The following RASGRP3 variants were observed in gnomAD, a reference collection of about 807,000 sequenced individuals.
The protein encoded by RASGRP3 is ras guanyl-releasing protein 3.
A neutral mutation model predicts 82.7 loss-of-function variants in RASGRP3; 54 were observed. The observed-to-expected ratio is 0.65, with a 90% CI of 0.52 to 0.82. RASGRP3 has a LOEUF of 0.82. Among genes scored for constraint, RASGRP3 ranks in the 40% least tolerant of loss-of-function variants. The pLI, the probability that RASGRP3 is intolerant of heterozygous loss-of-function variation, is 0.00. For missense variants in RASGRP3, 861 were observed against 828.9 expected (o/e 1.04, Z -0.48); for synonymous variants, 309 against 300.5 (o/e 1.03, Z -0.29).
intron 1 of RASGRP3, among the ~76,000 whole-genome samples, chr2:33,503,928 G>T (rs1043397827): frequency 1.3e-5 from 2 of 152,058 alleles, no homozygotes; most frequent in African/African-American, 2.4e-5. Context: ...GCAGCATTGT[G>T]CAACCCCTAT....
chr2:33,548,137 G>A (rs1674985853), intron 13 of RASGRP3, among the ~76,000 whole-genome samples: 1 of 152,012 alleles, frequency 6.6e-6, no homozygotes, highest in Non-Finnish European at 1.5e-5. Context: ...CGAGGCGGGC[G>A]GATCACAAGG....
rs1485697457 is a variant in RASGRP3 at position 33,534,383 on chromosome 2, C to G, written c.1144C>G (p.Pro382Ala). Residue 382 changes from proline (P) to alanine (A), a missense_variant, in exon 11 of 18, where the codon CCT becomes GCT. By Grantham distance (27) the Pro-to-Ala change is conservative. Coordinates refer to ENST00000403687, the MANE Select transcript of RASGRP3 (RefSeq NM_001139488.2). ...TTACAAACTGTCACTGGTGCTGGAGCCTAGAAATTCTAAATCGGTAGGTAT... is the reference window on the plus strand; with the variant it reads ...TTACAAACTGTCACTGGTGCTGGAGGCTAGAAATTCTAAATCGGTAGGTAT... The part of the protein sequence containing the change: ...DIYKLSLVLE[P>A]RNSKSQPTSP... 1 of 1,568,778 alleles carries G rather than the reference C, an allele frequency of 6.4e-7. No individual in the cohort carries two copies. The highest frequency in any genetic ancestry group is 8.8e-7 in the Non-Finnish European group (1 of 1,141,474).
At position 33,549,628 on chromosome 2, in the gene RASGRP3, A is replaced by AC; in HGVS notation, c.1419_1420insC (p.Met474HisfsTer9). 3.1e-6 allele frequency: 5 copies of AC among 1,613,364 alleles called. No individual in the cohort carries two copies. Among genetic ancestry groups the AC allele is most frequent in the Non-Finnish European group, 3.4e-6 (4 of 1,179,498 alleles). The stretch of plus-strand genomic sequence containing the variant: ...GGGATGGCCTAATTAGTAAAGATGA[A>AC]ATGATGGCTTACTTCCTGAGAGCTA... On this transcript the variant is annotated frameshift_variant, in exon 14 of 18. Coordinates refer to ENST00000403687, the MANE Select transcript of RASGRP3 (RefSeq NM_001139488.2). LOFTEE classifies it high-confidence loss of function.
chr2:33,479,679 C>A (rs1054063913), intron 1 of RASGRP3, among the ~76,000 whole-genome samples: 2 of 152,140 alleles, frequency 1.3e-5, no homozygotes, highest in African/African-American at 4.8e-5. Flanking sequence ...TCCTACTTCT[C>A]CACACACCAG....
chr2:33,509,601 TC>T (rs1670738850), intron 1 of RASGRP3, among the ~76,000 whole-genome samples: 1 of 152,224 alleles, frequency 6.6e-6, no homozygotes, highest in Non-Finnish European at 1.5e-5. Context: ...TGAAAAGACT[TC>T]ATCTTCATTA....
chr2:33,464,266 A>G (rs145983237), intron 2 of RASGRP3, among the ~76,000 whole-genome samples: 1,721 of 149,874 alleles, frequency 0.011, 26 homozygotes, highest in African/African-American at 0.04. Context: ...TTATAGGGAC[A>G]TGCCACCACA....
chr2:33,535,727 A>C (rs539951279), intron 11 of RASGRP3, among the ~76,000 whole-genome samples: 1 of 152,336 alleles, frequency 6.6e-6, no homozygotes, highest in African/African-American at 2.4e-5. Flanking sequence ...ATGATATGGC[A>C]CATGCAATGG....
intron 1 of RASGRP3, among the ~76,000 whole-genome samples, chr2:33,505,362 G>A (rs1574366116): frequency 1.3e-5 from 2 of 151,636 alleles, no homozygotes; most frequent in African/African-American, 2.4e-5. Flanking sequence ...GAGTGCAATG[G>A]CGCGATCTTG....
At chr2:33,470,508 T>C (rs1227235374) in intron 2 of RASGRP3, among the ~76,000 whole-genome samples, 1 of 151,696 alleles carries the variant, frequency 6.6e-6, no homozygotes, top group East Asian at 1.9e-4. Context: ...GCCTCCCGAG[T>C]AGCTGGGACT....
chr2:33,558,860 A>C lies in RASGRP3; in HGVS notation c.1894A>C (p.Thr632Pro). The C allele has an allele frequency of 6.2e-7, 1 of 1,614,004 alleles. No individual in the cohort carries two copies. The highest frequency in any genetic ancestry group is 1.7e-5 in the Admixed American group (1 of 60,022). Reference sequence around the variant, plus strand: ...TGGCTGGGGGGACTCGGGGTCCCACACCTTCCCTAAAATGAAATCCAAGTT... The same window carrying C: ...TGGCTGGGGGGACTCGGGGTCCCACCCCTTCCCTAAAATGAAATCCAAGTT... The part of the protein sequence containing the change: ...EAGWGDSGSH[T>P]FPKMKSKFHD... The change falls in exon 17 of 18, where the codon ACC becomes CCC. Residue 632 changes from threonine to proline, a missense_variant. By Grantham distance (38) the Thr-to-Pro change is conservative. Coordinates refer to ENST00000403687, the MANE Select transcript of RASGRP3 (RefSeq NM_001139488.2).
intron 3 of RASGRP3, 97 bp downstream of exon 3, chr2:33,515,303 C>T (rs918140470): frequency 4.6e-5 from 61 of 1,336,876 alleles, no homozygotes; most frequent in Non-Finnish European, 6.0e-5. Context: ...AGTTCAGTCT[C>T]TGTACCTTGG....
In RASGRP3 at chr2:33,515,007, TAGAG is replaced by T; in HGVS notation, c.-127-2_-126del. ...ACTTTCTCTCTTTTTTCTTTTTTTT[TAGAG>T]TTTTCTTGAAGTACAACTAAGGACA... On this transcript the variant is annotated splice_acceptor_variant and 5_prime_UTR_variant, in exon 3 of 18. Transcript: ENST00000403687. LOFTEE classifies it low-confidence loss of function (5UTR_SPLICE). The T allele has an allele frequency of 2.2e-5, 18 of 803,680 alleles. No individual in the cohort carries two copies. Among genetic ancestry groups the T allele is most frequent in the Admixed American group, 9.3e-5 (4 of 42,840 alleles). The allele number at this position is 803,680 out of a possible 1,614,324, so 49.8% of individuals were successfully genotyped here. A position where few individuals can be genotyped will look rare whatever the true frequency, so the allele number is the denominator to read the frequency against.
intron 13 of RASGRP3, among the ~76,000 whole-genome samples, chr2:33,547,915 C>T (rs938613037): frequency 6.6e-6 from 1 of 152,032 alleles, no homozygotes; most frequent in African/African-American, 2.4e-5. Context: ...GGAAACATGT[C>T]TCCGTGTTAC....
At chr2:33,544,893 C>T (rs1451413230) in intron 13 of RASGRP3, among the ~76,000 whole-genome samples, 7 of 152,048 alleles carry the variant, frequency 4.6e-5, no homozygotes, top group African/African-American at 1.7e-4. Context: ...CAAGAAAAGT[C>T]TTGACACATT....
intron 1 of RASGRP3, among the ~76,000 whole-genome samples, chr2:33,488,568 A>G (rs377060018): frequency 6.2e-4 from 94 of 152,360 alleles, no homozygotes; most frequent in African/African-American, 2.2e-3. Flanking sequence ...CTGTGTTCAT[A>G]TTTATCCTCT....
At chr2:33,524,200 T>C in intron 8 of RASGRP3, 148 bp downstream of exon 8, 1 of 1,082,370 alleles carries the variant, frequency 9.2e-7, no homozygotes, top group Non-Finnish European at 1.3e-6. Context: ...ATCGTATTTT[T>C]GTCATGCAAG....
intron 9 of RASGRP3, among the ~76,000 whole-genome samples, chr2:33,526,596 TCGGAAC>T (rs1426324504): frequency 6.6e-6 from 1 of 152,186 alleles, no homozygotes; most frequent in African/African-American, 2.4e-5. Context: ...AAATTATGTA[TCGGAAC>T]TTCTCTTACT....
chr2:33,448,300 C>T (rs1230773050), intron 2 of RASGRP3, among the ~76,000 whole-genome samples: 1 of 152,014 alleles, frequency 6.6e-6, no homozygotes. Flanking sequence ...ATTATAAATT[C>T]CTTCATGTCT....
chr2:33,507,354 C>T (rs1470393822), intron 1 of RASGRP3, among the ~76,000 whole-genome samples: 1 of 152,092 alleles, frequency 6.6e-6, no homozygotes, highest in Non-Finnish European at 1.5e-5. Flanking sequence ...AAGATCACAC[C>T]ACTGCACTCC....
Sources: gnomAD v4.1 joint callset for allele counts (sites outside exome capture counted in the v4.1 genomes callset) on GRCh38, gnomAD v4.1.1 for gene constraint, MANE v1.5 for transcripts, NCBI Gene and HGNC (gene_info 2026-07-23, HGNC 2026-07-21) for gene names.